PPP1R37: variants seen among roughly 807,000 people sequenced by gnomAD.
PPP1R37 encodes the protein leucine rich repeat containing 68.
Under a neutral mutation model 61.0 loss-of-function variants are expected in PPP1R37, and 21 were observed. The ratio of observed to expected loss-of-function variants is 0.34; its 90% CI spans 0.24 to 0.50. The LOEUF is 0.50. Ranked by LOEUF, PPP1R37 falls within the 20% of genes least tolerant of loss-of-function variation. The probability of loss-of-function intolerance (pLI) is 0.98; values close to 1 mark genes in which losing one functional copy is unlikely to be tolerated. For missense variants in PPP1R37, 910 were observed against 952.7 expected, an observed-to-expected ratio of 0.96 and a Z score of 0.59; for synonymous variants, 443 against 433.5, an observed-to-expected ratio of 1.02 and a Z score of -0.27.
chr19:45,104,101 C>T (rs1408238217), intron 1 of PPP1R37, among the ~76,000 whole-genome samples: 4 of 152,200 alleles, frequency 2.6e-5, no homozygotes, highest in African/African-American at 9.7e-5. Context: ...CTTTGCCCAG[C>T]ACACCCCTCG....
chr19:45,114,486 C>A (rs1027104132), intron 1 of PPP1R37, among the ~76,000 whole-genome samples: 2 of 152,222 alleles, frequency 1.3e-5, no homozygotes, highest in African/African-American at 4.8e-5. Context: ...AGCTAGGACC[C>A]CACATCCTCC....
At position 45,145,532 on chromosome 19, in the gene PPP1R37, G is replaced by A; in HGVS notation, c.1476G>A (p.Val492=). The A allele has an allele frequency of 6.5e-7, 1 of 1,534,494 alleles. No homozygotes were observed. Among genetic ancestry groups the A allele is most frequent in the South Asian group, 1.2e-5 (1 of 83,950 alleles). The change falls in exon 11 of 13, where the codon GTG becomes GTA. Residue 492 remains valine, a synonymous_variant. Transcript: ENST00000221462. ...CCGACGACGAGCCCGCCGCTGGGGTGCAGAACGGGGCCCCCAGCCCCGCAC... is the reference window on the plus strand; with the variant it reads ...CCGACGACGAGCCCGCCGCTGGGGTACAGAACGGGGCCCCCAGCCCCGCAC... The part of the protein sequence containing the change: ...PQPDDEPAAG[V]QNGAPSPAPS...
At chr19:45,134,466 CTTA>C (rs1234563789) in intron 1 of PPP1R37, among the ~76,000 whole-genome samples, 1 of 152,030 alleles carries the variant, frequency 6.6e-6, no homozygotes, top group African/African-American at 2.4e-5. Context: ...TTTCTTTTTT[CTTA>C]TTAATAGATT....
chr19:45,111,169 C>T (rs1229162446), intron 1 of PPP1R37, among the ~76,000 whole-genome samples: 1 of 152,128 alleles, frequency 6.6e-6, no homozygotes, highest in Admixed American at 6.5e-5. Context: ...TCTTCAGTTC[C>T]CCAAGGCTCC....
intron 1 of PPP1R37, among the ~76,000 whole-genome samples, chr19:45,110,122 T>C (rs1040907016): frequency 2.0e-5 from 3 of 151,582 alleles, no homozygotes; most frequent in African/African-American, 7.3e-5. Context: ...TTTTCTTTTT[T>C]TTTTTTTTGT....
Position 45,121,921 on chromosome 19 carries a change from C to A in PPP1R37, c.203-16593C>A, listed in dbSNP as rs756864447. On this transcript the variant is annotated intron_variant, in intron 1 of 12. Transcript: ENST00000221462. The surrounding 1 kb of genome is among the most constrained non-coding windows in gnomAD (Gnocchi z 4.2). ...AGCAGCCTGGGGAAGGGCTTGGAGG[C>A]GGGAGTGAGGATGGTCTCCACGTGG... Among the ~76,000 whole-genome samples, 1 of 152,116 alleles carries A rather than the reference C, an allele frequency of 6.6e-6. No individual in the cohort carries two copies.
chr19:45,117,402 CAG>C lies in PPP1R37; in HGVS notation c.203-21111_203-21110del, dbSNP rs138288767. Among the ~76,000 whole-genome samples, 1,427 of 152,316 alleles carry C rather than the reference CAG, an allele frequency of 9.4e-3. 14 individuals carry two copies. The highest frequency in any genetic ancestry group is 0.012 in the Non-Finnish European group (791 of 68,024). On this transcript the variant is annotated intron_variant, in intron 1 of 12. Coordinates refer to ENST00000221462, the MANE Select transcript of PPP1R37 (RefSeq NM_019121.2). Reference sequence around the variant, plus strand: ...GTGAGCCCCGGTGGAGTGCTGGCATCAGGGGGCCTTGTCCTGGGCTGAGGAGT... The same window carrying C: ...GTGAGCCCCGGTGGAGTGCTGGCATCGGGGCCTTGTCCTGGGCTGAGGAGT...
intron 1 of PPP1R37, chr19:45,128,986 C>T: frequency 1.2e-6 from 1 of 827,586 alleles, no homozygotes; most frequent in Non-Finnish European, 2.0e-6. Context: ...GTGCTGTCTG[C>T]CATGACAGAG....
chr19:45,128,779 A>G (rs191564260), intron 1 of PPP1R37: 3 of 643,730 alleles, frequency 4.7e-6, no homozygotes, highest in Middle Eastern at 4.1e-4. Context: ...AAATATAAAA[A>G]TAACTGCCTG....
intron 1 of PPP1R37, among the ~76,000 whole-genome samples, chr19:45,098,946 C>T (rs749378152): frequency 1.3e-4 from 20 of 152,266 alleles, no homozygotes; most frequent in East Asian, 1.2e-3. Flanking sequence ...TGAGCAGCCA[C>T]GTGACTTTGG....
intron 1 of PPP1R37, among the ~76,000 whole-genome samples, chr19:45,097,881 C>T (rs1968013572): frequency 6.6e-6 from 1 of 152,110 alleles, no homozygotes; most frequent in Non-Finnish European, 1.5e-5. Context: ...GTCTGAGAGC[C>T]ACCTAGCAGA....
In PPP1R37 at chr19:45,132,527, C is replaced by T. The variant is rs182137793; in HGVS notation, c.203-5987C>T. On this transcript the variant is annotated intron_variant, in intron 1 of 12. Coordinates refer to ENST00000221462, the MANE Select transcript of PPP1R37 (RefSeq NM_019121.2). ...TTGTTGCTCGGCTGGTCTTGAACTCCTGGTTTCAAGTGATCCTCTCGCCTC... is the reference window on the plus strand; with the variant it reads ...TTGTTGCTCGGCTGGTCTTGAACTCTTGGTTTCAAGTGATCCTCTCGCCTC... Among the ~76,000 whole-genome samples, 6 of 152,210 alleles carry T rather than the reference C, an allele frequency of 3.9e-5. No homozygotes were observed. In the East Asian group the frequency reaches 1.2e-3, roughly 29 times the overall value.
intron 8 of PPP1R37, 48 bp from the exon 9 acceptor site, chr19:45,144,803 TCTC>T: frequency 1.4e-6 from 2 of 1,445,144 alleles, no homozygotes; most frequent in South Asian, 2.6e-5. Context: ...GCCTCCTGGG[TCTC>T]CTCCGCCATC....
chr19:45,126,302 C>A (rs1352311925), intron 1 of PPP1R37, among the ~76,000 whole-genome samples: 6 of 152,172 alleles, frequency 3.9e-5, no homozygotes, highest in African/African-American at 9.7e-5. Flanking sequence ...AGGGCAGGGA[C>A]AGGGGCCCTT....
At chr19:45,108,370 C>T (rs1263208144) in intron 1 of PPP1R37, among the ~76,000 whole-genome samples, 4 of 151,830 alleles carry the variant, frequency 2.6e-5, no homozygotes, top group Admixed American at 6.6e-5. Flanking sequence ...CCACCACGCC[C>T]GGCTAATTTT....
intron 1 of PPP1R37, among the ~76,000 whole-genome samples, chr19:45,115,866 C>G (rs2004356): frequency 0.029 from 4,468 of 151,646 alleles, 225 homozygotes; most frequent in African/African-American, 0.1. Context: ...CCCACCTACT[C>G]GGGAGGCTGA....
chr19:45,095,881 C>T (rs893300599), intron 1 of PPP1R37, among the ~76,000 whole-genome samples: 4 of 151,996 alleles, frequency 2.6e-5, no homozygotes, highest in East Asian at 1.9e-4. Flanking sequence ...CTGGCTATTG[C>T]GTGATATCCA....
intron 1 of PPP1R37, among the ~76,000 whole-genome samples, chr19:45,111,787 T>C (rs1968204301): frequency 6.8e-6 from 1 of 146,382 alleles, no homozygotes; most frequent in African/African-American, 2.5e-5. Context: ...GGGGCGGGGG[T>C]GGATGGGTGA....
At chr19:45,115,022 G>C (rs1190611800) in intron 1 of PPP1R37, among the ~76,000 whole-genome samples, 1 of 152,144 alleles carries the variant, frequency 6.6e-6, no homozygotes, top group Non-Finnish European at 1.5e-5. Flanking sequence ...CCACAGGATT[G>C]GCTGTGTTTT....
Sources: gnomAD v4.1 joint callset for allele counts (sites outside exome capture counted in the v4.1 genomes callset) on GRCh38, gnomAD v4.1.1 for gene constraint, Gnocchi (gnomAD v3.1) non-coding constraint, MANE v1.5 for transcripts, NCBI Gene and HGNC (gene_info 2026-07-23, HGNC 2026-07-21) for gene names.